HMCN1: variants seen among roughly 807,000 people sequenced by gnomAD.
HMCN1 encodes hemicentin-1.
A neutral mutation model predicts 625.9 loss-of-function variants in HMCN1; 321 were observed. The observed-to-expected ratio is 0.51, with a 90% CI of 0.47 to 0.56. HMCN1 has a LOEUF of 0.56. Among genes scored for constraint, HMCN1 ranks in the 20% least tolerant of loss-of-function variants. The pLI is 0.00. For missense variants in HMCN1, 6,588 were observed against 6,887.3 expected, an observed-to-expected ratio of 0.96 and a Z score of 1.54; for synonymous variants, 2,425 against 2,417.6, an observed-to-expected ratio of 1.00 and a Z score of -0.09.
At chr1:186,189,065 C>T (rs956271027) in intron 106 of HMCN1, among the ~76,000 whole-genome samples, 12 of 152,018 alleles carry the variant, frequency 7.9e-5, no homozygotes, top group African/African-American at 2.7e-4. Flanking sequence ...CCTAATTGAC[C>T]TTTTATTATT....
intron 4 of HMCN1, among the ~76,000 whole-genome samples, chr1:185,893,480 G>A (rs773525808): frequency 5.3e-5 from 8 of 152,188 alleles, no homozygotes; most frequent in Non-Finnish European, 1.0e-4. Flanking sequence ...TGGAAAATCA[G>A]TGTGTACTGT....
chr1:186,029,878 T>G (rs536195578), intron 36 of HMCN1, among the ~76,000 whole-genome samples: 1 of 152,228 alleles, frequency 6.6e-6, no homozygotes, highest in African/African-American at 2.4e-5. Flanking sequence ...CAAATCAGTC[T>G]AAGCTCTTCT....
chr1:186,179,957 G>C (rs1317310445), intron 104 of HMCN1, among the ~76,000 whole-genome samples: 1 of 151,956 alleles, frequency 6.6e-6, no homozygotes, highest in African/African-American at 2.4e-5. Flanking sequence ...GCACTTTTCT[G>C]TCTTTTTTAC....
chr1:186,017,923 C>T (rs1654471110), intron 33 of HMCN1, among the ~76,000 whole-genome samples: 1 of 152,010 alleles, frequency 6.6e-6, no homozygotes, highest in Non-Finnish European at 1.5e-5. Flanking sequence ...GTATTACAAA[C>T]AATCCAATAC....
chr1:185,891,608 T>C lies in HMCN1; in HGVS notation c.622-17729T>C, dbSNP rs912370729. Among the ~76,000 whole-genome samples the C allele has an allele frequency of 2.0e-5, 3 of 147,680 alleles. 1 individual carries two copies. Among genetic ancestry groups the C allele is most frequent in the African/African-American group, 8.1e-5 (3 of 37,078 alleles). Reference sequence around the variant, plus strand: ...TGGATATGAAATTCTGGGTTGAAAATTCTTTTCTTTAAGAAAGTTGAATAT... The same window carrying C: ...TGGATATGAAATTCTGGGTTGAAAACTCTTTTCTTTAAGAAAGTTGAATAT... On this transcript the variant is annotated intron_variant, in intron 4 of 106. Transcript: ENST00000271588.
chr1:185,789,417 A>T (rs1419830038), intron 1 of HMCN1, among the ~76,000 whole-genome samples: 3 of 152,210 alleles, frequency 2.0e-5, no homozygotes, highest in Admixed American at 6.5e-5. Context: ...AGTAACACTG[A>T]TGTGCCTCCT....
chr1:185,792,906 A>G (rs2102204322), intron 1 of HMCN1, among the ~76,000 whole-genome samples: 1 of 152,346 alleles, frequency 6.6e-6, no homozygotes, highest in East Asian at 1.9e-4. Flanking sequence ...GTTTTATAAC[A>G]ATTTTCAAAT....
At chr1:185,751,127 C>T (rs982179308) in intron 1 of HMCN1, among the ~76,000 whole-genome samples, 3 of 152,018 alleles carry the variant, frequency 2.0e-5, no homozygotes, top group Non-Finnish European at 4.4e-5. Flanking sequence ...CTTCTAGCTC[C>T]CTACTCCTTC....
rs746004773 is a variant in HMCN1, at chr1:186,172,031, A to T, written c.15714A>T (p.Val5238=). ...ATGTGAACGAGTGTAGACAAAATGTATGCAGACCAGATCAGCACTGTAAGA... is the reference window on the plus strand; with the variant it reads ...ATGTGAACGAGTGTAGACAAAATGTTTGCAGACCAGATCAGCACTGTAAGA... ...CMDVNECRQN[V]CRPDQHCKNT... Residue 5238 remains valine (V), a synonymous_variant, in exon 102 of 107, where the codon GTA becomes GTT. Coordinates refer to ENST00000271588, the MANE Select transcript of HMCN1 (RefSeq NM_031935.3). 2 of 1,613,664 alleles carry T rather than the reference A, an allele frequency of 1.2e-6. No homozygotes were observed. The highest frequency in any genetic ancestry group is 1.7e-6 in the Non-Finnish European group (2 of 1,179,636).
chr1:186,099,035 G>T (rs1660271604), intron 68 of HMCN1, among the ~76,000 whole-genome samples: 1 of 152,066 alleles, frequency 6.6e-6, no homozygotes, highest in Non-Finnish European at 1.5e-5. Flanking sequence ...GGGGGAGTAG[G>T]TCAGTGGGTA....
At chr1:186,114,239 T>C in intron 73 of HMCN1, 116 bp downstream of exon 73, 2 of 1,043,486 alleles carry the variant, frequency 1.9e-6, no homozygotes, top group South Asian at 1.3e-5. Context: ...TTCATCTTAA[T>C]ACGAGAATCA....
chr1:186,156,537 C>T (rs975644135), intron 97 of HMCN1, among the ~76,000 whole-genome samples: 3 of 152,172 alleles, frequency 2.0e-5, no homozygotes, highest in Admixed American at 2.0e-4. Context: ...AGTGAACACC[C>T]TTACACACTG....
At chr1:186,085,362 A>G (rs1219904381) in intron 57 of HMCN1, among the ~76,000 whole-genome samples, 1 of 152,102 alleles carries the variant, frequency 6.6e-6, no homozygotes, top group Non-Finnish European at 1.5e-5. Context: ...AAGGCTGTCC[A>G]CCTGGTTTGC....
intron 4 of HMCN1, among the ~76,000 whole-genome samples, chr1:185,893,556 G>A (rs1665284388): frequency 6.6e-6 from 1 of 152,208 alleles, no homozygotes; most frequent in South Asian, 2.1e-4. Context: ...TTTCCCGAGT[G>A]TGTGGTATAT....
chr1:185,998,819 TTTTG>T (rs1481932140), intron 25 of HMCN1, among the ~76,000 whole-genome samples: 3 of 152,166 alleles, frequency 2.0e-5, no homozygotes, highest in Non-Finnish European at 2.9e-5. Flanking sequence ...AATTTCTTTC[TTTTG>T]TTTGTTCATT....
At chr1:185,761,616 C>A (rs894647025) in intron 1 of HMCN1, among the ~76,000 whole-genome samples, 1 of 152,106 alleles carries the variant, frequency 6.6e-6, no homozygotes, top group African/African-American at 2.4e-5. Context: ...GCTAAAATGA[C>A]AACTGTATTT....
intron 4 of HMCN1, among the ~76,000 whole-genome samples, chr1:185,888,784 C>T (rs1232267213): frequency 6.2e-5 from 9 of 144,438 alleles, no homozygotes; most frequent in East Asian, 1.9e-4. Flanking sequence ...ATTGACTTGG[C>T]GATGCGGGCT....
intron 1 of HMCN1, among the ~76,000 whole-genome samples, chr1:185,795,321 T>G (rs1426548006): frequency 1.3e-5 from 2 of 152,214 alleles, no homozygotes; most frequent in Non-Finnish European, 2.9e-5. Context: ...ATCTTGTTAC[T>G]TCATATAATC....
intron 1 of HMCN1, among the ~76,000 whole-genome samples, chr1:185,784,744 T>G (rs1030520388): frequency 6.6e-6 from 1 of 152,198 alleles, no homozygotes; most frequent in African/African-American, 2.4e-5. Flanking sequence ...TTTATTTATT[T>G]TGTATCTTAA....
Sources: gnomAD v4.1 joint callset for allele counts (sites outside exome capture counted in the v4.1 genomes callset) on GRCh38, gnomAD v4.1.1 for gene constraint, MANE v1.5 for transcripts, NCBI Gene and HGNC (gene_info 2026-07-23, HGNC 2026-07-21) for gene names.